The following GGT7 variants were observed in gnomAD, a reference collection of about 807,000 sequenced individuals.
GGT7 encodes the protein gamma-glutamyltransferase 7, also known as glutathione hydrolase 7.
Under a neutral mutation model 69.2 loss-of-function variants are expected in GGT7, and 30 were observed. That is an observed-to-expected ratio of 0.43 (90% CI 0.32 to 0.59). The LOEUF (loss-of-function observed/expected upper bound fraction) is 0.59, where lower values mean the gene tolerates loss of function less well. GGT7 is among the 20% of genes least tolerant of loss of function. The probability of loss-of-function intolerance (pLI) is 0.05; values close to 1 mark genes in which losing one functional copy is unlikely to be tolerated. For synonymous variants in GGT7, 388 were observed against 391.8 expected, an observed-to-expected ratio of 0.99 and a Z score of 0.12; for missense variants, 733 against 901.1, an observed-to-expected ratio of 0.81 and a Z score of 2.39.
At chr20:34,868,343 G>A (rs1393391741) in intron 1 of GGT7, among the ~76,000 whole-genome samples, 1 of 152,146 alleles carries the variant, frequency 6.6e-6, no homozygotes, top group Non-Finnish European at 1.5e-5. Flanking sequence ...GAACAGCTAG[G>A]GCAATAACAG....
At chr20:34,864,044 T>A (rs2146924490) in intron 1 of GGT7, among the ~76,000 whole-genome samples, 1 of 152,328 alleles carries the variant, frequency 6.6e-6, no homozygotes, top group African/African-American at 2.4e-5. Flanking sequence ...GAACAGATAG[T>A]TCCTGCCCTC....
In GGT7 at chr20:34,863,849, G is replaced by T. The variant is rs913179817; in HGVS notation, c.170-301C>A. Reference sequence around the variant, plus strand: ...GCCCAGGGCTGAGAACACTTCCTGGGGGGTGGGGTGGGGGTTCCAGCCCTC... The same window carrying T: ...GCCCAGGGCTGAGAACACTTCCTGGTGGGTGGGGTGGGGGTTCCAGCCCTC... On this transcript the variant is annotated intron_variant, in intron 1 of 14. Transcript: ENST00000336431. This position sits in a 1 kb window ranked among gnomAD's most constrained non-coding sequence, Gnocchi z 4.4. 2 of 572,584 alleles carry T rather than the reference G, an allele frequency of 3.5e-6. No homozygotes were observed. The highest frequency in any genetic ancestry group is 7.0e-5 in the East Asian group (2 of 28,660). The allele number at this position is 572,584 out of a possible 1,614,324, so 35.5% of individuals were successfully genotyped here.
intron 1 of GGT7, among the ~76,000 whole-genome samples, chr20:34,871,861 G>A (rs1482813099): frequency 6.6e-6 from 1 of 152,196 alleles, no homozygotes; most frequent in Non-Finnish European, 1.5e-5. Context: ...AGGAAGAGCA[G>A]CAGGGAAGGA....
intron 14 of GGT7, among the ~76,000 whole-genome samples, chr20:34,846,496 G>A (rs1351602460): frequency 2.2e-4 from 34 of 151,666 alleles, no homozygotes; most frequent in African/African-American, 7.5e-4. Context: ...TTTTGTAGAG[G>A]TGGGGGTTTA....
rs2146937055 is a variant in GGT7 at position 34,872,703 on chromosome 20, G to T, written c.113C>A (p.Ala38Glu). Residue 38 changes from alanine to glutamate, a missense_variant, in exon 1 of 15, where the codon GCG becomes GAG. Coordinates refer to ENST00000336431, the MANE Select transcript of GGT7 (RefSeq NM_178026.3). ...PRLPEDEPAP[A>E]APLRGRKDED... is the part of the protein sequence containing the mutation. ...GTCCTTGCGGCCCCTCAGCGGGGCC[G>T]CGGGCGCCGGCTCGTCCTCGGGCAG... The T allele has an allele frequency of 1.4e-6, 2 of 1,478,814 alleles. No homozygotes were observed. The highest frequency in any genetic ancestry group is 1.8e-6 in the Non-Finnish European group (2 of 1,118,948). 91.6% of individuals were successfully genotyped at this position (1,478,814 alleles called of 1,614,324 possible). A position where few individuals can be genotyped will look rare whatever the true frequency, so the allele number is the denominator to read the frequency against.
At chr20:34,848,174 T>G (rs2079329696) in intron 14 of GGT7, among the ~76,000 whole-genome samples, 1 of 152,208 alleles carries the variant, frequency 6.6e-6, no homozygotes, top group Admixed American at 6.5e-5. Flanking sequence ...TTAGATGGTG[T>G]GCAAATGTGG....
intron 1 of GGT7, among the ~76,000 whole-genome samples, chr20:34,867,840 A>G (rs760605445): frequency 3.9e-5 from 6 of 152,212 alleles, no homozygotes; most frequent in Non-Finnish European, 8.8e-5. Flanking sequence ...AACCAACCTT[A>G]CAAGCTAATT....
chr20:34,846,058 C>T (rs1030988793), intron 14 of GGT7, among the ~76,000 whole-genome samples: 27 of 149,512 alleles, frequency 1.8e-4, no homozygotes, highest in African/African-American at 6.4e-4. Flanking sequence ...GAGCAAAACC[C>T]TGTCTCCAAA....
At chr20:34,851,157 T>TA in intron 13 of GGT7, 74 bp downstream of exon 13, 1 of 1,561,970 alleles carries the variant, frequency 6.4e-7, no homozygotes, top group African/African-American at 1.3e-5. Flanking sequence ...AAGCCACAGA[T>TA]ATGACAGGCA....
chr20:34,860,709 G>T (rs2079580498), intron 4 of GGT7, among the ~76,000 whole-genome samples: 1 of 140,492 alleles, frequency 7.1e-6, no homozygotes, highest in African/African-American at 2.7e-5. Context: ...AGCTCACTGT[G>T]GCCTCCAACT....
chr20:34,869,529 G>A (rs1441593683), intron 1 of GGT7, among the ~76,000 whole-genome samples: 2 of 152,180 alleles, frequency 1.3e-5, no homozygotes, highest in African/African-American at 4.8e-5. Flanking sequence ...TGGATGGATT[G>A]GGGTGGGGAC....
chr20:34,857,542 G>A lies in GGT7; in HGVS notation c.1015-649C>T, dbSNP rs374220716. 9.2e-5 allele frequency among the ~76,000 whole-genome samples: 14 copies of A among 151,644 alleles called. 1 individual carries two copies. In the East Asian group the frequency reaches 2.3e-3, roughly 25 times the overall value. ...AACCCTAAATTAGCATAACCACTCTGAATCCTTTCCTTTTTTGTACCTTAT... is the reference window on the plus strand; with the variant it reads ...AACCCTAAATTAGCATAACCACTCTAAATCCTTTCCTTTTTTGTACCTTAT... On this transcript the variant is annotated intron_variant, in intron 7 of 14. Coordinates refer to ENST00000336431, the MANE Select transcript of GGT7 (RefSeq NM_178026.3).
At chr20:34,859,698 C>T (rs960873781) in intron 6 of GGT7, 59 bp from the exon 7 acceptor site, 56 of 1,377,296 alleles carry the variant, frequency 4.1e-5, no homozygotes, top group East Asian at 9.8e-5. Flanking sequence ...CCGGATGAGA[C>T]GCGCAATAGA....
chr20:34,856,759 G>C, intron 8 of GGT7, 47 bp downstream of exon 8: 1 of 1,072,132 alleles, frequency 9.3e-7, no homozygotes, highest in East Asian at 2.5e-5. Flanking sequence ...CCATGGACTG[G>C]GAGGCTTCTC....
chr20:34,850,074 G>C lies in GGT7; in HGVS notation c.1726-14C>G, dbSNP rs755889670. ...ATTCAGCAGAACCTGTGGTAGCCAAGGTACAGAAAAATCAGGGCTGTCCCA... is the reference window on the plus strand; with the variant it reads ...ATTCAGCAGAACCTGTGGTAGCCAACGTACAGAAAAATCAGGGCTGTCCCA... On this transcript the variant is annotated splice_polypyrimidine_tract_variant and intron_variant, in intron 13 of 14. Coordinates refer to ENST00000336431, the MANE Select transcript of GGT7 (RefSeq NM_178026.3). The C allele has an allele frequency of 6.3e-7, 1 of 1,589,814 alleles. No homozygotes were observed. Among genetic ancestry groups the C allele is most frequent in the Middle Eastern group, 1.7e-4 (1 of 6,014 alleles).
At chr20:34,861,337 T>A (rs754152499) in intron 4 of GGT7, 108 bp downstream of exon 4, 2 of 522,444 alleles carry the variant, frequency 3.8e-6, no homozygotes, top group Non-Finnish European at 6.9e-6. Flanking sequence ...CCTGCTCAAC[T>A]CTTTTTCCCA....
intron 14 of GGT7, among the ~76,000 whole-genome samples, chr20:34,849,161 CTT>C (rs750114916): frequency 1.2e-4 from 16 of 138,320 alleles, no homozygotes; most frequent in Admixed American, 2.9e-4. Flanking sequence ...CTCTCTCTTA[CTT>C]TTTTTTTTTT....
rs2079626410 is a variant in GGT7, at chr20:34,863,113, T to A, written c.406-148A>T. 1 of 829,046 alleles carries A rather than the reference T, an allele frequency of 1.2e-6. No homozygotes were observed. The highest frequency in any genetic ancestry group is 1.9e-6 in the Non-Finnish European group (1 of 523,650). The allele number at this position is 829,046 out of a possible 1,614,324, so 51.4% of individuals were successfully genotyped here. ...CTCTGCCCTCATTACCCCAAGTGCCTCCTAATGGATCTGTCCTTATTCTTC... is the reference window on the plus strand; with the variant it reads ...CTCTGCCCTCATTACCCCAAGTGCCACCTAATGGATCTGTCCTTATTCTTC... On this transcript the variant is annotated intron_variant, in intron 2 of 14. Transcript: ENST00000336431. This position sits in a 1 kb window ranked among gnomAD's most constrained non-coding sequence, Gnocchi z 4.4.
chr20:34,868,726 A>G (rs569511798), intron 1 of GGT7, among the ~76,000 whole-genome samples: 5 of 152,262 alleles, frequency 3.3e-5, no homozygotes, highest in African/African-American at 9.6e-5. Context: ...ATAAGACCCA[A>G]ACTTTGTTAT....
Sources: gnomAD v4.1 joint callset for allele counts (sites outside exome capture counted in the v4.1 genomes callset) on GRCh38, gnomAD v4.1.1 for gene constraint, Gnocchi (gnomAD v3.1) non-coding constraint, MANE v1.5 for transcripts, NCBI Gene and HGNC (gene_info 2026-07-23, HGNC 2026-07-21) for gene names.